The following PHLDB2 variants were observed in gnomAD, a reference collection of about 807,000 sequenced individuals.
PHLDB2 encodes the protein pleckstrin homology like domain family B member 2.
Under a neutral mutation model 123.6 loss-of-function variants are expected in PHLDB2, and 71 were observed. The ratio of observed to expected loss-of-function variants is 0.57; its 90% CI spans 0.47 to 0.70. PHLDB2 has a LOEUF of 0.70. Among genes scored for constraint, PHLDB2 ranks in the 30% least tolerant of loss-of-function variants. The probability of loss-of-function intolerance (pLI) is 0.00; values close to 1 mark genes in which losing one functional copy is unlikely to be tolerated. For missense variants in PHLDB2, 1,446 were observed against 1,519.5 expected (o/e 0.95, Z 0.80); for synonymous variants, 547 against 541.6 (o/e 1.01, Z -0.14).
At position 111,859,374 on chromosome 3, in the gene PHLDB2, G is replaced by A. The variant is rs1030821989; in HGVS notation, c.-217G>A. 6 of 985,652 alleles carry A rather than the reference G, an allele frequency of 6.1e-6. No homozygotes were observed. The highest frequency in any genetic ancestry group is 7.2e-6 in the Non-Finnish European group (6 of 830,102). 61.1% of individuals were successfully genotyped at this position (985,652 alleles called of 1,614,324 possible). A position where few individuals can be genotyped will look rare whatever the true frequency, so the allele number is the denominator to read the frequency against. On this transcript the variant is annotated 5_prime_UTR_variant, in exon 1 of 18. Transcript: ENST00000431670. ...CCCAACAGCAAACTGCCTGGGAGCG[G>A]GGCAGGTCACCAACTTCGTTGCTCG...
At chr3:111,895,720 A>T (rs1212649171) in intron 2 of PHLDB2, among the ~76,000 whole-genome samples, 4 of 152,110 alleles carry the variant, frequency 2.6e-5, no homozygotes, top group Non-Finnish European at 4.4e-5. Context: ...GTGGTGGCAC[A>T]TGCCTGTAAT....
intron 12 of PHLDB2, 88 bp downstream of exon 12, chr3:111,954,117 A>T (rs2070882010): frequency 8.3e-7 from 1 of 1,206,408 alleles, no homozygotes; most frequent in Non-Finnish European, 1.2e-6. Context: ...GGTAGGGATG[A>T]TTAGAGGAGG....
chr3:111,856,907 T>G (rs2064536263), upstream of PHLDB2, among the ~76,000 whole-genome samples: 1 of 152,228 alleles, frequency 6.6e-6, no homozygotes, highest in Non-Finnish European at 1.5e-5. Context: ...GGTGACTTTG[T>G]CAAAAAGTAA....
chr3:111,969,412 A>G (rs1420238792), intron 15 of PHLDB2, among the ~76,000 whole-genome samples: 1 of 152,228 alleles, frequency 6.6e-6, no homozygotes, highest in Non-Finnish European at 1.5e-5. Flanking sequence ...AAACTAAGAT[A>G]AATGACCATT....
At chr3:111,740,967 A>G (rs2059594366) in intron 1 of PHLDB2, among the ~76,000 whole-genome samples, 1 of 152,084 alleles carries the variant, frequency 6.6e-6, no homozygotes, top group Non-Finnish European at 1.5e-5. Flanking sequence ...AAGAAATATG[A>G]ACAATGATGA....
intron 1 of PHLDB2, among the ~76,000 whole-genome samples, chr3:111,787,183 A>G (rs1387752665): frequency 6.6e-6 from 1 of 152,202 alleles, no homozygotes; most frequent in Non-Finnish European, 1.5e-5. Flanking sequence ...CTGACAGCCT[A>G]CTTGGCCTTT....
chr3:111,733,885 C>G (rs991388452), intron 1 of PHLDB2, among the ~76,000 whole-genome samples: 2 of 152,130 alleles, frequency 1.3e-5, no homozygotes, highest in Non-Finnish European at 2.9e-5. Context: ...TAGTTAGAAG[C>G]CTAGTAATGC....
chr3:111,831,033 G>GAAAA (rs1559855387), intron 1 of PHLDB2, among the ~76,000 whole-genome samples: 950 of 55,918 alleles, frequency 0.017, 70 homozygotes, highest in Admixed American at 0.024. Context: ...AAGAAAGAAA[G>GAAAA]GAAGGAAGGA....
chr3:111,781,932 CG>C (rs1237432897), intron 1 of PHLDB2, among the ~76,000 whole-genome samples: 2 of 151,984 alleles, frequency 1.3e-5, no homozygotes, highest in Admixed American at 1.3e-4. Flanking sequence ...GCAGTATTGC[CG>C]TGGCACAAAA....
At chr3:111,759,994 G>T (rs760848720) in intron 1 of PHLDB2, among the ~76,000 whole-genome samples, 6 of 152,230 alleles carry the variant, frequency 3.9e-5, no homozygotes. Flanking sequence ...TGAAGTTTCT[G>T]TGTCTTCATG....
At chr3:111,875,795 C>A (rs2065583747) in intron 1 of PHLDB2, among the ~76,000 whole-genome samples, 1 of 148,448 alleles carries the variant, frequency 6.7e-6, no homozygotes, top group African/African-American at 2.5e-5. Flanking sequence ...TGCATTCCAG[C>A]CTGGGCAACA....
intron 16 of PHLDB2, among the ~76,000 whole-genome samples, chr3:111,970,327 A>T (rs1319124095): frequency 1.3e-5 from 2 of 152,028 alleles, no homozygotes; most frequent in Non-Finnish European, 2.9e-5. Flanking sequence ...CTATCATTAT[A>T]GGGTGGGATC....
chr3:111,907,739 G>A (rs550723201), intron 2 of PHLDB2, among the ~76,000 whole-genome samples: 59 of 152,164 alleles, frequency 3.9e-4, no homozygotes, highest in African/African-American at 1.3e-3. Flanking sequence ...TGATCCACAC[G>A]CCTCAACCTT....
At chr3:111,753,442 GTCT>G (rs1339065201) in intron 1 of PHLDB2, among the ~76,000 whole-genome samples, 1 of 148,464 alleles carries the variant, frequency 6.7e-6, no homozygotes, top group Non-Finnish European at 1.5e-5. Context: ...CTGCATAAAT[GTCT>G]TCTTTTGAGA....
chr3:111,958,633 C>T, intron 12 of PHLDB2: 2 of 442,386 alleles, frequency 4.5e-6, no homozygotes, highest in East Asian at 7.0e-5. Context: ...AAACAAGCCT[C>T]AATTAGGTCT....
At chr3:111,901,662 C>T (rs978405795) in intron 2 of PHLDB2, among the ~76,000 whole-genome samples, 1 of 152,070 alleles carries the variant, frequency 6.6e-6, no homozygotes, top group Non-Finnish European at 1.5e-5. Context: ...AAGAAGCAAA[C>T]AAGATCTTCT....
Position 111,836,882 on chromosome 3 carries a change from T to C in PHLDB2, c.-48-8939T>C, listed in dbSNP as rs575389294. On this transcript the variant is annotated intron_variant, in intron 1 of 17. Coordinates refer to the PHLDB2 transcript ENST00000393923. Reference sequence around the variant, plus strand: ...CCCACCAGGTCCCTCCCTTGACACATGGGGATGACAATTCGAGATGAGATT... The same window carrying C: ...CCCACCAGGTCCCTCCCTTGACACACGGGGATGACAATTCGAGATGAGATT... Among the ~76,000 whole-genome samples the C allele has an allele frequency of 3.3e-5, 5 of 152,186 alleles. No individual in the cohort carries two copies. The East Asian group carries it at 9.7e-4, about 29-fold the overall frequency.
chr3:111,912,149 G>A lies in PHLDB2; in HGVS notation c.1336-1170G>A, dbSNP rs2067922606. On this transcript the variant is annotated intron_variant, in intron 2 of 17. Transcript: ENST00000431670. ...TGTTTTTAGTTCTTTTTTCACTTTG[G>A]CCTTGGAATTAACATGAAAGGTAAA... Among the ~76,000 whole-genome samples the A allele has an allele frequency of 2.0e-5, 3 of 152,242 alleles. No homozygotes were observed. The South Asian group carries it at 6.2e-4, about 32-fold the overall frequency.
chr3:111,893,292 A>G (rs2066610330), intron 2 of PHLDB2, among the ~76,000 whole-genome samples: 1 of 151,756 alleles, frequency 6.6e-6, no homozygotes, highest in Non-Finnish European at 1.5e-5. Flanking sequence ...AGTATTGAAA[A>G]CTATTTTGTC....
Sources: gnomAD v4.1 joint callset for allele counts (sites outside exome capture counted in the v4.1 genomes callset) on GRCh38, gnomAD v4.1.1 for gene constraint, MANE v1.5 for transcripts, NCBI Gene and HGNC (gene_info 2026-07-23, HGNC 2026-07-21) for gene names.